Variants in NCKAP5 observed in about 807,000 individuals in gnomAD.
NCKAP5 encodes the protein NCK associated protein 5.
Under a neutral mutation model 167.0 loss-of-function variants are expected in NCKAP5, and 92 were observed. The observed-to-expected ratio is 0.55, with a 90% confidence interval of 0.47 to 0.66. NCKAP5 has a LOEUF of 0.66. Among genes scored for constraint, NCKAP5 ranks in the 30% least tolerant of loss-of-function variants. NCKAP5 has a pLI of 0.00. For synonymous variants in NCKAP5, 891 were observed against 877.4 expected, an observed-to-expected ratio of 1.02 and a Z score of -0.27; for missense variants, 2,378 against 2,315.0, an observed-to-expected ratio of 1.03 and a Z score of -0.56.
Position 132,783,720 on chromosome 2 carries a change from C to T in NCKAP5, c.3091G>A (p.Val1031Ile), listed in dbSNP as rs202008307. The T allele has an allele frequency of 1.6e-4, 256 of 1,611,714 alleles. 1 individual carries two copies. Among genetic ancestry groups the T allele is most frequent in the South Asian group, 7.2e-4 (65 of 90,722 alleles). ...PAHAPSSSFT[V>I]MALGPPKVSP... ...ACCTTTGGAGGCCCCAGAGCCATTA[C>T]GGTGAAGGAGCTGGAGGGGGCATGA... Residue 1031 changes from valine (V) to isoleucine (I), a missense_variant, in exon 14 of 20, where the codon GTA becomes ATA. This residue lies in a region of NCKAP5 where 1,325 missense variants were observed against 1,274.5 expected (regional missense o/e 1.04). Transcript: ENST00000409261.
At chr2:133,598,816 T>G in the NCKAP5 span, among the ~76,000 whole-genome samples, 1 of 152,104 alleles carries the variant, frequency 6.6e-6, no homozygotes, top group South Asian at 2.1e-4. Context: ...CAACAGAAAT[T>G]TATTCCCTCA....
At chr2:133,129,784 G>A (rs2082534313) in intron 6 of NCKAP5, among the ~76,000 whole-genome samples, 194 bp downstream of exon 6, 1 of 152,194 alleles carries the variant, frequency 6.6e-6, no homozygotes, top group Non-Finnish European at 1.5e-5. Context: ...GCTCATGTCA[G>A]GTACAAATGG....
chr2:133,115,420 C>T (rs1264799401), intron 6 of NCKAP5, among the ~76,000 whole-genome samples: 1 of 152,094 alleles, frequency 6.6e-6, no homozygotes, highest in East Asian at 1.9e-4. Context: ...TTTCAAGTCA[C>T]TTCAAATGAT....
At chr2:132,778,557 G>A (rs1485656104) in intron 15 of NCKAP5, among the ~76,000 whole-genome samples, 2 of 152,082 alleles carry the variant, frequency 1.3e-5, no homozygotes, top group Non-Finnish European at 2.9e-5. Context: ...GGTATAGTAC[G>A]TCATAAGGTT....
At chr2:133,265,172 G>T (rs958674141) in intron 4 of NCKAP5, 11 of 152,192 alleles carry the variant, frequency 7.2e-5, no homozygotes, top group African/African-American at 2.7e-4. Flanking sequence ...GTATAAGGAG[G>T]AGTGAACGAG....
chr2:133,553,545 T>C (rs981846349), intron 2 of NCKAP5, among the ~76,000 whole-genome samples: 1 of 152,120 alleles, frequency 6.6e-6, no homozygotes, highest in African/African-American at 2.4e-5. Context: ...GCAGGGCCTC[T>C]AAGGTTAGAT....
chr2:133,571,577 T>C (rs1257189491), upstream of NCKAP5, among the ~76,000 whole-genome samples: 1 of 152,180 alleles, frequency 6.6e-6, no homozygotes, highest in Non-Finnish European at 1.5e-5. Context: ...ATTTACCTGA[T>C]CATTTTTAAA....
At chr2:133,585,797 T>C in the NCKAP5 span, among the ~76,000 whole-genome samples, 1 of 152,154 alleles carries the variant, frequency 6.6e-6, no homozygotes, top group Non-Finnish European at 1.5e-5. Context: ...TACTCACAGG[T>C]AGGAAGCACC....
chr2:132,926,389 G>C (rs949229849), intron 8 of NCKAP5, among the ~76,000 whole-genome samples: 1 of 152,192 alleles, frequency 6.6e-6, no homozygotes, highest in Non-Finnish European at 1.5e-5. Context: ...TAGATACCCA[G>C]TAGTGGAATT....
intron 16 of NCKAP5, among the ~76,000 whole-genome samples, chr2:132,767,938 G>A (rs1681661754): frequency 6.6e-6 from 1 of 152,198 alleles, no homozygotes; most frequent in Non-Finnish European, 1.5e-5. Flanking sequence ...AGCTATCCAA[G>A]GAAAGTTAGA....
At chr2:132,998,681 T>C (rs1254270257) in intron 6 of NCKAP5, among the ~76,000 whole-genome samples, 1 of 152,304 alleles carries the variant, frequency 6.6e-6, no homozygotes, top group South Asian at 2.1e-4. Context: ...TCTTCCATTG[T>C]TGTTTGACGC....
intron 5 of NCKAP5, among the ~76,000 whole-genome samples, chr2:133,159,921 T>A (rs2083718653): frequency 6.6e-6 from 1 of 152,040 alleles, no homozygotes; most frequent in Non-Finnish European, 1.5e-5. Context: ...TAGGCAAAAG[T>A]ATGATGGGGA....
chr2:133,367,362 G>T (rs2150895292), intron 3 of NCKAP5, among the ~76,000 whole-genome samples: 1 of 152,264 alleles, frequency 6.6e-6, no homozygotes, highest in East Asian at 1.9e-4. Flanking sequence ...CAGTGAGAGT[G>T]ACTTGAATTT....
chr2:133,172,701 G>A (rs1466100917), intron 5 of NCKAP5, among the ~76,000 whole-genome samples: 2 of 152,072 alleles, frequency 1.3e-5, no homozygotes, highest in Non-Finnish European at 2.9e-5. Flanking sequence ...AGGCTGGAGT[G>A]CAGTGGCACA....
At chr2:132,971,540 T>C (rs2076833431) in intron 7 of NCKAP5, among the ~76,000 whole-genome samples, 1 of 152,134 alleles carries the variant, frequency 6.6e-6, no homozygotes, top group Non-Finnish European at 1.5e-5. Flanking sequence ...AATCTCTCTC[T>C]GATATGGTGT....
At chr2:132,836,348 C>G (rs905093596) in intron 11 of NCKAP5, among the ~76,000 whole-genome samples, 2 of 151,988 alleles carry the variant, frequency 1.3e-5, no homozygotes, top group Non-Finnish European at 2.9e-5. Flanking sequence ...ACTGATTGCA[C>G]GGCTGACTAA....
chr2:133,205,856 T>C (rs2085927248), intron 5 of NCKAP5, among the ~76,000 whole-genome samples: 1 of 152,180 alleles, frequency 6.6e-6, no homozygotes, highest in African/African-American at 2.4e-5. Context: ...TTTACTATTT[T>C]AAATATTATA....
At chr2:132,968,411 G>T (rs948831382) in intron 7 of NCKAP5, among the ~76,000 whole-genome samples, 1 of 152,174 alleles carries the variant, frequency 6.6e-6, no homozygotes, top group Admixed American at 6.5e-5. Flanking sequence ...TACCACAGAT[G>T]ATGGGTCAGA....
intron 6 of NCKAP5, among the ~76,000 whole-genome samples, chr2:133,097,240 C>T (rs745563288): frequency 6.6e-6 from 1 of 152,122 alleles, no homozygotes; most frequent in Non-Finnish European, 1.5e-5. Context: ...GGCAGTGTCA[C>T]CCCATAAGCC....
Sources: gnomAD v4.1 joint callset for allele counts (sites outside exome capture counted in the v4.1 genomes callset) on GRCh38, gnomAD v4.1.1 for gene constraint, gnomAD v4.1.1 regional missense constraint, MANE v1.5 for transcripts, NCBI Gene and HGNC (gene_info 2026-07-23, HGNC 2026-07-21) for gene names.